ARHGEF9: variants seen among roughly 807,000 people sequenced by gnomAD.
The protein encoded by ARHGEF9 is Cdc42 guanine nucleotide exchange factor 9.
A neutral mutation model predicts 41.3 loss-of-function variants in ARHGEF9; 2 were observed. That is an observed-to-expected ratio of 0.05 (90% CI 0.02 to 0.15). The LOEUF (loss-of-function observed/expected upper bound fraction) is 0.15. Ranked by LOEUF, ARHGEF9 falls within the 10% of genes least tolerant of loss-of-function variation. ARHGEF9 has a pLI of 1.00. For missense variants in ARHGEF9, 225 were observed against 424.7 expected (o/e 0.53, Z 4.13); for synonymous variants, 160 against 154.4 (o/e 1.04, Z -0.27).
At chrX:63,747,500 T>C (rs1189298579) in intron 1 of ARHGEF9, among the ~76,000 whole-genome samples, 1 of 112,177 alleles carries the variant, frequency 8.9e-6, no homozygotes, top group Non-Finnish European at 1.9e-5. Context: ...ACATGTGTGA[T>C]AAGTCAGACA....
At chrX:63,768,342 CG>C (rs1297328872) in intron 1 of ARHGEF9, among the ~76,000 whole-genome samples, 1 of 112,071 alleles carries the variant, frequency 8.9e-6, no homozygotes, top group East Asian at 2.8e-4. Context: ...TAGTATTCCA[CG>C]GTGTTTATAT....
At chrX:63,662,065 T>C (rs1260784082) in intron 7 of ARHGEF9, among the ~76,000 whole-genome samples, 1 of 111,585 alleles carries the variant, frequency 9.0e-6, no homozygotes, top group Admixed American at 9.5e-5. Flanking sequence ...TCTATTTCTT[T>C]GTTGGAGGTT....
intron 8 of ARHGEF9, among the ~76,000 whole-genome samples, chrX:63,653,726 G>C (rs2048696372): frequency 9.0e-6 from 1 of 111,241 alleles, no homozygotes; most frequent in Non-Finnish European, 1.9e-5. Flanking sequence ...TGACAGAGAA[G>C]GGGAAGGAAT....
chrX:63,769,959 T>A (rs1243550111), intron 1 of ARHGEF9, among the ~76,000 whole-genome samples: 2 of 111,617 alleles, frequency 1.8e-5, no homozygotes, highest in African/African-American at 6.5e-5. Flanking sequence ...CCACACTGAG[T>A]CCCTACTGGG....
chrX:63,698,636 A>G (rs1556391695), intron 3 of ARHGEF9, among the ~76,000 whole-genome samples: 1 of 110,930 alleles, frequency 9.0e-6, no homozygotes, highest in Non-Finnish European at 1.9e-5. Context: ...ACAGCTACCA[A>G]TGAGGTCATC....
At chrX:63,784,754 C>T (rs1457217944) in intron 1 of ARHGEF9, among the ~76,000 whole-genome samples, 7 of 111,005 alleles carry the variant, frequency 6.3e-5, no homozygotes, top group Admixed American at 1.9e-4. Context: ...GCCAGCTTGT[C>T]AGCCTCCTGC....
Position 63,724,663 on chromosome X carries a change from C to T in ARHGEF9, c.79G>A (p.Val27Ile), listed in dbSNP as rs781899711. The T allele has an allele frequency of 1.6e-5, 19 of 1,211,588 alleles. No individual in the cohort carries two copies. The highest frequency in any genetic ancestry group is 2.3e-4 in the Middle Eastern group (1 of 4,345). ...IVSAEAVWDH[V>I]TMANRELAFK... ...GCCAACTCCCGGTTGGCCATGGTGA[C>T]GTGATCCCATACTGCCTCAGCACTA... Residue 27 changes from valine to isoleucine, a missense_variant, in exon 2 of 10, where the codon GTC becomes ATC. By Grantham distance (29) the Val-to-Ile change is conservative. Around this residue, in one of 3 missense-constraint regions of ARHGEF9, gnomAD observed 114 missense variants for 197.9 expected, o/e 0.58. Transcript: ENST00000671741.
At chrX:63,734,899 G>T (rs1310001686) in intron 1 of ARHGEF9, among the ~76,000 whole-genome samples, 6 of 111,392 alleles carry the variant, frequency 5.4e-5, no homozygotes, top group African/African-American at 2.0e-4. Context: ...CAGATGGTTA[G>T]TAAAAATAAT....
chrX:63,635,702 G>A lies in ARHGEF9; in HGVS notation c.*2326C>T. 8.0e-6 allele frequency: 2 copies of A among 248,724 alleles called. No homozygotes were observed. Among genetic ancestry groups the A allele is most frequent in the South Asian group, 1.6e-4 (2 of 12,833 alleles). The allele number at this position is 248,724 out of a possible 1,213,427, so 20.5% of individuals were successfully genotyped here. On this transcript the variant is annotated 3_prime_UTR_variant, in exon 10 of 10. Coordinates refer to ENST00000671741, the MANE Select transcript of ARHGEF9 (RefSeq NM_001353921.2). ...TGGAGCCCTGGGCAGAAGCCCCAAG[G>A]AGGGAGGAAATGAGAGGGCCTAGTC...
At chrX:63,782,504 G>A (rs1215052870) in intron 1 of ARHGEF9, among the ~76,000 whole-genome samples, 1 of 112,370 alleles carries the variant, frequency 8.9e-6, no homozygotes, top group Non-Finnish European at 1.9e-5. Context: ...TGAACTCACA[G>A]TTTAGCATCC....
intron 2 of ARHGEF9, among the ~76,000 whole-genome samples, chrX:63,710,692 T>C (rs1373329957): frequency 1.8e-5 from 2 of 110,863 alleles, no homozygotes; most frequent in Non-Finnish European, 3.8e-5. Context: ...CTCCAAATAA[T>C]AATGAACATT....
chrX:63,710,260 T>A (rs2052832103), intron 2 of ARHGEF9, among the ~76,000 whole-genome samples: 1 of 46,822 alleles, frequency 2.1e-5, no homozygotes, highest in African/African-American at 9.3e-5. Context: ...ATTTAATAAA[T>A]AATTTCATTC....
chrX:63,681,199 T>A (rs1556368846), intron 4 of ARHGEF9, among the ~76,000 whole-genome samples: 1 of 111,609 alleles, frequency 9.0e-6, no homozygotes, highest in Non-Finnish European at 1.9e-5. Flanking sequence ...ACAGCTACCA[T>A]GCATGTACCT....
chrX:63,754,272 C>G (rs782369627), intron 1 of ARHGEF9: 1 of 1,202,662 alleles, frequency 8.3e-7, no homozygotes, highest in Non-Finnish European at 1.1e-6. Flanking sequence ...AAAGACAAGA[C>G]ACGACAAAAG....
rs1556389146 is a variant in ARHGEF9 at position 63,697,157 on chromosome X, G to A, written c.550C>T (p.Leu184Phe). Residue 184 changes from leucine to phenylalanine, a missense_variant, in exon 4 of 10, where the codon CTC becomes TTC. This residue lies in a region of ARHGEF9 where 114 missense variants were observed against 197.9 expected (regional missense o/e 0.58). Transcript: ENST00000671741. ...EKQYNNDDPHLSEIGPCFLEH... is the reference protein window; with the variant it reads ...EKQYNNDDPHFSEIGPCFLEH... ...AGGAAGCAGGGTCCTATCTCGCTGA[G>A]GTGGGGGTCATCATTGTTATACTGT... 1.7e-6 allele frequency: 2 copies of A among 1,210,599 alleles called. No homozygotes were observed. Among genetic ancestry groups the A allele is most frequent in the Non-Finnish European group, 1.1e-6 (1 of 895,037 alleles).
At chrX:63,668,673 T>C (rs1396125884) in intron 6 of ARHGEF9, among the ~76,000 whole-genome samples, 2 of 112,004 alleles carry the variant, frequency 1.8e-5, no homozygotes, top group African/African-American at 6.5e-5. Context: ...CATCACACTA[T>C]AAGCTCAACA....
chrX:63,674,185 T>C lies in ARHGEF9; in HGVS notation c.816-18A>G. The C allele has an allele frequency of 4.1e-6, 5 of 1,208,679 alleles. No homozygotes were observed. Among genetic ancestry groups the C allele is most frequent in the Non-Finnish European group, 5.6e-6 (5 of 894,082 alleles). ...TGTAGTCACTGTGAAAACAAAAGAGTGCAAGTTGAACCAACCAATGTGCCA... is the reference window on the plus strand; with the variant it reads ...TGTAGTCACTGTGAAAACAAAAGAGCGCAAGTTGAACCAACCAATGTGCCA... On this transcript the variant is annotated intron_variant, in intron 5 of 9. Transcript: ENST00000671741.
intron 4 of ARHGEF9, among the ~76,000 whole-genome samples, chrX:63,683,492 A>G (rs2050784241): frequency 8.9e-6 from 1 of 111,830 alleles, no homozygotes; most frequent in Non-Finnish European, 1.9e-5. Context: ...GAAATAGACA[A>G]AAACATATAT....
Position 63,646,339 on chromosome X carries a change from C to G in ARHGEF9, c.1322-2291G>C, listed in dbSNP as rs1404360853. ...TCCCGAATGATACTGCCTAGGTTTT[C>G]TTCTGGGGTTTTTATGGTTTTAGGT... is the stretch of plus-strand genomic sequence containing the variant. On this transcript the variant is annotated intron_variant, in intron 8 of 9. Transcript: ENST00000671741. Among the ~76,000 whole-genome samples, 3 of 112,004 alleles carry G rather than the reference C, an allele frequency of 2.7e-5. No individual in the cohort carries two copies. In the Admixed American group the frequency reaches 2.8e-4, roughly 11 times the overall value.
Sources: allele counts gnomAD v4.1 joint callset (sites outside exome capture counted in the v4.1 genomes callset), GRCh38; gene constraint gnomAD v4.1.1; regional missense constraint gnomAD v4.1.1; transcripts MANE v1.5; gene names NCBI Gene and HGNC (gene_info 2026-07-23, HGNC 2026-07-21).